Variants in ABCA4 observed in about 807,000 individuals in gnomAD.
ABCA4 encodes the protein ATP binding cassette subfamily A member 4, also known as retinal-specific phospholipid-transporting ATPase ABCA4.
Under a neutral mutation model 263.7 loss-of-function variants are expected in ABCA4, and 196 were observed. The observed-to-expected ratio is 0.74, with a 90% CI of 0.66 to 0.84. The LOEUF is 0.84. ABCA4 is among the 40% of genes least tolerant of loss of function. The pLI is 0.00. For synonymous variants in ABCA4, 1,133 were observed against 1,094.2 expected (o/e 1.04, Z -0.70); for missense variants, 2,792 against 2,855.1 (o/e 0.98, Z 0.50).
Position 94,010,840 on chromosome 1 carries a change from G to A in ABCA4, c.5674C>T (p.Leu1892=). 6.2e-7 allele frequency: 1 copy of A among 1,614,122 alleles called. No homozygotes were observed. The highest frequency in any genetic ancestry group is 8.5e-7 in the Non-Finnish European group (1 of 1,180,036). The part of the protein sequence containing the change: ...MVVEGVVYFL[L]TLLVQRHFFL... ...AAGTGGCGCTGGACCAGCAGGGTCA[G>A]GAGGAAGTACACCACCCCTTCCACC... The change falls in exon 40 of 50, where the codon CTG becomes TTG. Residue 1892 remains leucine, a synonymous_variant. Transcript: ENST00000370225.
chr1:94,009,016 C>T (rs1659476965), intron 40 of ABCA4, 145 bp from the exon 41 acceptor site: 10 of 1,205,098 alleles, frequency 8.3e-6, no homozygotes, highest in Admixed American at 2.3e-5. Context: ...AAAGGGCTCC[C>T]AGCAGGAGAG....
intron 43 of ABCA4, among the ~76,000 whole-genome samples, chr1:94,006,802 A>G (rs1340822069): frequency 6.6e-6 from 1 of 152,228 alleles, no homozygotes; most frequent in Admixed American, 6.5e-5. Flanking sequence ...CCAGTCAAGC[A>G]GATGCTGGAC....
In ABCA4 at chr1:94,029,588, C is replaced by G. The variant is rs1315143020; in HGVS notation, c.4396G>C (p.Val1466Leu). 3 of 1,614,050 alleles carry G rather than the reference C, an allele frequency of 1.9e-6. No homozygotes were observed. The highest frequency in any genetic ancestry group is 2.2e-5 in the South Asian group (2 of 91,034). Reference sequence around the variant, plus strand: ...AACAGCTGGGTGATGTTTGGGGACACAGAAGGAGTCTTCCAGGGTGTTGAG... The same window carrying G: ...AACAGCTGGGTGATGTTTGGGGACAGAGAAGGAGTCTTCCAGGGTGTTGAG... ...GNSTPWKTPS[V>L]SPNITQLFQK... The change falls in exon 30 of 50, where the codon GTG becomes CTG. Residue 1466 changes from valine (V) to leucine (L), a missense_variant. Coordinates refer to ENST00000370225, the MANE Select transcript of ABCA4 (RefSeq NM_000350.3).
intron 44 of ABCA4, 37 bp from the exon 45 acceptor site, chr1:94,002,029 A>C: frequency 6.2e-7 from 1 of 1,614,002 alleles, no homozygotes; most frequent in South Asian, 1.1e-5. Flanking sequence ...GGAGAAGACA[A>C]GCAAACACCC....
chr1:94,091,159 T>G (rs1448538121), intron 6 of ABCA4, among the ~76,000 whole-genome samples: 1 of 152,224 alleles, frequency 6.6e-6, no homozygotes, highest in East Asian at 1.9e-4. Context: ...TATTTTTGTG[T>G]GGTTAATACC....
chr1:94,106,086 C>A (rs1292690258), intron 4 of ABCA4, among the ~76,000 whole-genome samples: 2 of 152,206 alleles, frequency 1.3e-5, no homozygotes, highest in African/African-American at 4.8e-5. Flanking sequence ...TGGGGATGGA[C>A]CCCTGTTCCC....
intron 11 of ABCA4, among the ~76,000 whole-genome samples, chr1:94,070,630 C>T (rs548508085): frequency 1.3e-5 from 2 of 152,080 alleles, no homozygotes; most frequent in Admixed American, 1.3e-4. Flanking sequence ...CATGAAGGTG[C>T]GGAGGCGTAT....
intron 23 of ABCA4, among the ~76,000 whole-genome samples, chr1:94,040,502 C>T (rs1660458852): frequency 6.6e-6 from 1 of 152,192 alleles, no homozygotes; most frequent in Non-Finnish European, 1.5e-5. Context: ...ATAAATAATG[C>T]TGCCATATCA....
intron 30 of ABCA4, chr1:94,025,741 G>A (rs1021496607): frequency 1.3e-5 from 2 of 155,766 alleles, no homozygotes; most frequent in Non-Finnish European, 2.9e-5. Flanking sequence ...ATGTACTGTT[G>A]TGTTATCTTC....
chr1:94,036,152 G>C (rs1371314173), intron 26 of ABCA4, among the ~76,000 whole-genome samples: 1 of 151,942 alleles, frequency 6.6e-6, no homozygotes, highest in Non-Finnish European at 1.5e-5. Flanking sequence ...TGATGACATG[G>C]CAGGCCGAGA....
At chr1:94,070,452 C>T (rs992755913) in intron 11 of ABCA4, among the ~76,000 whole-genome samples, 2 of 152,206 alleles carry the variant, frequency 1.3e-5, no homozygotes, top group African/African-American at 4.8e-5. Context: ...TTATGCCCTT[C>T]CTCCTGCCTG....
At chr1:94,078,748 G>C (rs1460008316) in intron 9 of ABCA4, 42 bp from the exon 10 acceptor site, 1 of 1,398,058 alleles carries the variant, frequency 7.2e-7, no homozygotes, top group East Asian at 2.3e-5. Context: ...CGAACAGAGA[G>C]AAAAGTGAGA....
intron 16 of ABCA4, 106 bp from the exon 17 acceptor site, chr1:94,051,804 A>G (rs1660849861): frequency 7.1e-6 from 6 of 840,856 alleles, no homozygotes; most frequent in Non-Finnish European, 1.2e-5. Context: ...CTCAAATTGT[A>G]ACTATAGATA....
chr1:94,076,516 G>A (rs1374293708), intron 11 of ABCA4, among the ~76,000 whole-genome samples: 2 of 152,146 alleles, frequency 1.3e-5, no homozygotes, highest in African/African-American at 4.8e-5. Context: ...TAATAAATGG[G>A]CAATGAAAAC....
intron 41 of ABCA4, among the ~76,000 whole-genome samples, chr1:94,008,500 A>G (rs1659459242): frequency 6.6e-6 from 1 of 152,204 alleles, no homozygotes; most frequent in Non-Finnish European, 1.5e-5. Context: ...AACACAGAAA[A>G]GGGAATGATG....
At position 94,011,317 on chromosome 1, in the gene ABCA4, C is replaced by T. The variant is rs1162641655; in HGVS notation, c.5529G>A (p.Arg1843=). The T allele has an allele frequency of 1.4e-5, 22 of 1,614,088 alleles. No individual in the cohort carries two copies. Among genetic ancestry groups the T allele is most frequent in the Non-Finnish European group, 1.9e-5 (22 of 1,180,012 alleles). The change falls in exon 39 of 50, where the codon CGG becomes CGA. Residue 1843 remains arginine (R), a synonymous_variant. Transcript: ENST00000370225. ...LIVFPHFCLG[R]GLIDLALSQA... ...GGCTCAGTGCAAGGTCAATGAGGCC[C>T]CGGCCCAGGCAGAAGTGGGGGAAGA...
chr1:94,044,112 T>C (rs1660603528), intron 20 of ABCA4, among the ~76,000 whole-genome samples: 2 of 7,124 alleles, frequency 2.8e-4, no homozygotes, highest in African/African-American at 3.0e-4. Context: ...CTTCCTTCCT[T>C]CCTTCCTTCC....
At chr1:94,099,777 G>A (rs550625658) in intron 5 of ABCA4, among the ~76,000 whole-genome samples, 4 of 152,270 alleles carry the variant, frequency 2.6e-5, no homozygotes, top group South Asian at 2.1e-4. Context: ...TCTGAAGTTC[G>A]AATTTAACTA....
At chr1:94,002,288 C>T (rs970517084) in intron 44 of ABCA4, among the ~76,000 whole-genome samples, 2 of 152,238 alleles carry the variant, frequency 1.3e-5, no homozygotes, top group Non-Finnish European at 2.9e-5. Flanking sequence ...TCTCGCCCAG[C>T]GTCCTGGACC....
Sources: gnomAD v4.1 joint callset for allele counts (sites outside exome capture counted in the v4.1 genomes callset) on GRCh38, gnomAD v4.1.1 for gene constraint, MANE v1.5 for transcripts, NCBI Gene and HGNC (gene_info 2026-07-23, HGNC 2026-07-21) for gene names.